The following ENGASE variants were observed in gnomAD, a reference collection of about 807,000 sequenced individuals.
ENGASE encodes the protein endo-beta-N-acetylglucosaminidase.
Under a neutral mutation model 78.5 loss-of-function variants are expected in ENGASE, and 69 were observed. That is an observed-to-expected ratio of 0.88 (90% CI 0.72 to 1.07). The LOEUF (loss-of-function observed/expected upper bound fraction) is 1.07. Among genes scored for constraint, ENGASE ranks in the 50% least tolerant of loss-of-function variants. ENGASE has a pLI of 0.00. For synonymous variants in ENGASE, 408 were observed against 408.9 expected (o/e 1.00, Z 0.03); for missense variants, 943 against 988.4 (o/e 0.95, Z 0.62).
rs2072994984 is a variant in ENGASE at position 79,077,453 on chromosome 17, CA to C, written c.171del (p.Val58SerfsTer61). On this transcript the variant is annotated frameshift_variant, in exon 2 of 14. Transcript: ENST00000579016. LOFTEE classifies it high-confidence loss of function. ...AGCATCAAAGATGAAGAAGAAGAGA[CA>C]GTCTTTCGAGAGGTGGTCAGTTTTT... is the stretch of plus-strand genomic sequence containing the variant. ...GRSIKDEEEE[T>X]VFREVVSFSP... The C allele has an allele frequency of 1.2e-5, 19 of 1,585,886 alleles. No individual in the cohort carries two copies. Among genetic ancestry groups the C allele is most frequent in the Non-Finnish European group, 1.6e-5 (19 of 1,170,810 alleles).
At chr17:79,080,600 C>T (rs527915448) in intron 5 of ENGASE, among the ~76,000 whole-genome samples, 140 of 152,366 alleles carry the variant, frequency 9.2e-4, no homozygotes, top group African/African-American at 3.1e-3. Flanking sequence ...CGTTTCCCGC[C>T]CCTGCCTGTG....
chr17:79,080,218 A>G lies in ENGASE; in HGVS notation c.577A>G (p.Thr193Ala). Residue 193 changes from threonine (T) to alanine (A), a missense_variant, in exon 5 of 14, where the codon ACG becomes GCG. By Grantham distance (58) the Thr-to-Ala change is moderately conservative. Coordinates refer to ENST00000579016, the MANE Select transcript of ENGASE (RefSeq NM_001042573.3). ...HGVCVLGTFI[T>A]EWNEGGRLCE... Reference sequence around the variant, plus strand: ...TCCTATCCTCACAGGGACTTTCATCACGGAGTGGAATGAAGGGGGAAGGCT... The same window carrying G: ...TCCTATCCTCACAGGGACTTTCATCGCGGAGTGGAATGAAGGGGGAAGGCT... The G allele has an allele frequency of 1.2e-6, 2 of 1,600,950 alleles. No homozygotes were observed. The highest frequency in any genetic ancestry group is 8.5e-7 in the Non-Finnish European group (1 of 1,172,576).
chr17:79,086,511 G>T lies in ENGASE; in HGVS notation c.*162G>T, dbSNP rs1194721940. ...CCGGGCTGAGTGCTGTGGCTTTCTG[G>T]TGGGGGGCGATGGAAACAGGAAACC... On this transcript the variant is annotated 3_prime_UTR_variant, in exon 14 of 14. Transcript: ENST00000579016. 2 of 825,148 alleles carry T rather than the reference G, an allele frequency of 2.4e-6. No individual in the cohort carries two copies. 51.1% of individuals were successfully genotyped at this position (825,148 alleles called of 1,614,324 possible).
intron 5 of ENGASE, 48 bp from the exon 6 acceptor site, chr17:79,080,875 TAG>T: frequency 6.4e-7 from 1 of 1,571,704 alleles, no homozygotes; most frequent in Non-Finnish European, 8.6e-7. Context: ...CTTCTCATGA[TAG>T]ATAGATCTGG....
Position 79,080,344 on chromosome 17 carries a change from A to G in ENGASE, c.703A>G (p.Asn235Asp). Residue 235 changes from asparagine to aspartate, a missense_variant, in exon 5 of 14, where the codon AAC becomes GAC. By Grantham distance (23) the Asn-to-Asp change is conservative. Transcript: ENST00000579016. ...QFFRFDGWLINIENSLSLAAV... is the reference protein window; with the variant it reads ...QFFRFDGWLIDIENSLSLAAV... ...TTTTCGTTTTGATGGCTGGCTGATC[A>G]ACATCGAGAACTCGCTGAGTGTGAG... is the stretch of plus-strand genomic sequence containing the variant. The G allele has an allele frequency of 6.2e-7, 1 of 1,613,538 alleles. No homozygotes were observed. Among genetic ancestry groups the G allele is most frequent in the South Asian group, 1.1e-5 (1 of 91,068 alleles).
At chr17:79,080,830 T>TGCTCTGCATCCCCCTGTCTGTCC in intron 5 of ENGASE, 95 bp from the exon 6 acceptor site, 1 of 1,485,752 alleles carries the variant, frequency 6.7e-7, no homozygotes, top group East Asian at 2.4e-5. Context: ...TGGGTCTGTT[T>TGCTCTGCATCCCCCTGTCTGTCC]GCTCTGCATC....
chr17:79,083,463 G>A lies in ENGASE; in HGVS notation c.1143-19G>A, dbSNP rs779415382. 8 of 1,596,716 alleles carry A rather than the reference G, an allele frequency of 5.0e-6. No homozygotes were observed. The highest frequency in any genetic ancestry group is 6.9e-6 in the Non-Finnish European group (8 of 1,165,016). ...CTCCCTTCCTCCGGACCGAGCTGTT[G>A]CCCCCATGTCTCTGGCAGGTTCTGG... On this transcript the variant is annotated intron_variant, in intron 8 of 13. Transcript: ENST00000579016. This position sits in a 1 kb window ranked among gnomAD's most constrained non-coding sequence, Gnocchi z 4.9.
chr17:79,080,865 C>T, intron 5 of ENGASE, 60 bp from the exon 6 acceptor site: 1 of 1,554,856 alleles, frequency 6.4e-7, no homozygotes, highest in Non-Finnish European at 8.7e-7. Flanking sequence ...GCGCTGGATA[C>T]TTCTCATGAT....
intron 5 of ENGASE, 26 bp downstream of exon 5, chr17:79,080,390 C>T (rs1332400034): frequency 6.2e-7 from 1 of 1,607,876 alleles, no homozygotes. Flanking sequence ...TCACCCACCT[C>T]CCCGCCCCTT....
chr17:79,080,873 G>T, intron 5 of ENGASE, 52 bp from the exon 6 acceptor site: 1 of 1,570,442 alleles, frequency 6.4e-7, no homozygotes. Context: ...TACTTCTCAT[G>T]ATAGATAGAT....
chr17:79,082,755 C>T (rs983506979), intron 7 of ENGASE: 31 of 1,448,484 alleles, frequency 2.1e-5, no homozygotes, highest in African/African-American at 8.5e-5. Flanking sequence ...TGGGACCGCG[C>T]AGCCACAGCC....
chr17:79,082,533 CAG>C, intron 7 of ENGASE: 3 of 1,213,850 alleles, frequency 2.5e-6, no homozygotes, highest in Non-Finnish European at 3.1e-6. Flanking sequence ...CACACCAGCA[CAG>C]AGGAAGGAGC....
chr17:79,082,705 G>A (rs897802291), intron 7 of ENGASE: 24 of 1,362,188 alleles, frequency 1.8e-5, no homozygotes, highest in African/African-American at 5.8e-5. Context: ...TTTACTGCCC[G>A]TGATTCTGAT....
At chr17:79,077,952 T>C (rs1481440152) in intron 3 of ENGASE, 88 bp downstream of exon 3, 2 of 1,351,718 alleles carry the variant, frequency 1.5e-6, no homozygotes, top group Non-Finnish European at 2.0e-6. Context: ...GTGCCATGTG[T>C]AGAAAGAGCA....
At chr17:79,078,517 G>T (rs58999272) in intron 3 of ENGASE, among the ~76,000 whole-genome samples, 14,731 of 152,166 alleles carry the variant, frequency 0.097, 890 homozygotes, top group African/African-American at 0.16. Flanking sequence ...ACCCCCTCAC[G>T]TGGTTTGGTG....
At chr17:79,077,526 T>C (rs1340542678) in intron 2 of ENGASE, 29 bp downstream of exon 2, 3 of 1,547,034 alleles carry the variant, frequency 1.9e-6, no homozygotes, top group Non-Finnish European at 2.6e-6. Flanking sequence ...TGAATACCGA[T>C]CCACCTTCAC....
At chr17:79,082,812 C>T (rs755993275) in intron 7 of ENGASE, 38 of 1,502,552 alleles carry the variant, frequency 2.5e-5, no homozygotes, top group South Asian at 7.1e-5. Context: ...CAGCGCTGAC[C>T]GCCTCTCCCG....
At position 79,088,196 on chromosome 17, in the gene ENGASE, A is replaced by C. The variant is rs1233609341; in HGVS notation, c.*1847A>C. The C allele has an allele frequency of 2.0e-5, 3 of 150,364 alleles. No individual in the cohort carries two copies. The highest frequency in any genetic ancestry group is 1.9e-4 in the East Asian group (1 of 5,146). The allele number at this position is 150,364 out of a possible 1,614,324, so 9.3% of individuals were successfully genotyped here. On this transcript the variant is annotated 3_prime_UTR_variant, in exon 14 of 14. Coordinates refer to ENST00000579016, the MANE Select transcript of ENGASE (RefSeq NM_001042573.3). Reference sequence around the variant, plus strand: ...TTTTTCAGCTGTGACCATTCCCGGGAGCTCTTTGAGCCTTTCTGTCTCATT... The same window carrying C: ...TTTTTCAGCTGTGACCATTCCCGGGCGCTCTTTGAGCCTTTCTGTCTCATT...
At position 79,080,933 on chromosome 17, in the gene ENGASE, T is replaced by C. The variant is rs375154348; in HGVS notation, c.732T>C (p.Ala244=). The C allele has an allele frequency of 1.7e-4, 271 of 1,611,686 alleles. 1 individual carries two copies. Among genetic ancestry groups the C allele is most frequent in the Non-Finnish European group, 2.3e-4 (267 of 1,178,810 alleles). Residue 244 remains alanine (A), a synonymous_variant, in exon 6 of 14, where the codon GCT becomes GCC. Coordinates refer to ENST00000579016, the MANE Select transcript of ENGASE (RefSeq NM_001042573.3). ...TTGTTCTTCTCTTTCAGCTGGCCGC[T>C]GTGGGGAACATGCCTCCTTTCCTGC... is the stretch of plus-strand genomic sequence containing the variant. ...INIENSLSLA[A]VGNMPPFLRY...
Sources: gnomAD v4.1 joint callset for allele counts (sites outside exome capture counted in the v4.1 genomes callset) on GRCh38, gnomAD v4.1.1 for gene constraint, Gnocchi (gnomAD v3.1) non-coding constraint, MANE v1.5 for transcripts, NCBI Gene and HGNC (gene_info 2026-07-23, HGNC 2026-07-21) for gene names.